BBS9: variants seen among roughly 807,000 people sequenced by gnomAD.
BBS9 encodes Bardet-Biedl syndrome 9, also known as protein PTHB1.
BBS9 carries 89 observed loss-of-function variants against 117.7 expected under a neutral mutation model. That is an observed-to-expected ratio of 0.76 (90% CI 0.64 to 0.90). BBS9 has a LOEUF of 0.90. Among genes scored for constraint, BBS9 ranks in the 40% least tolerant of loss-of-function variants. The pLI, the probability that BBS9 is intolerant of heterozygous loss-of-function variation, is 0.00. For synonymous variants in BBS9, 379 were observed against 370.9 expected, an observed-to-expected ratio of 1.02 and a Z score of -0.25; for missense variants, 982 against 1,042.2, an observed-to-expected ratio of 0.94 and a Z score of 0.80.
intron 4 of BBS9, among the ~76,000 whole-genome samples, chr7:33,174,318 A>C (rs1488794909): frequency 6.6e-6 from 1 of 152,208 alleles, no homozygotes; most frequent in Non-Finnish European, 1.5e-5. Flanking sequence ...TAGAACCTCT[A>C]CTTTGGATCC....
chr7:33,152,566 G>C (rs1380332809), intron 2 of BBS9, 135 bp from the exon 3 acceptor site: 1 of 763,988 alleles, frequency 1.3e-6, no homozygotes, highest in South Asian at 1.8e-5. Flanking sequence ...TTGACAGAGT[G>C]GCCTTTGTGT....
chr7:33,465,247 A>C (rs1354295789), intron 19 of BBS9, among the ~76,000 whole-genome samples: 2 of 150,234 alleles, frequency 1.3e-5, no homozygotes, highest in East Asian at 3.9e-4. Flanking sequence ...GGAAAAAAAA[A>C]AACATGATTT....
At chr7:33,324,294 A>G (rs1010473933) in intron 9 of BBS9, among the ~76,000 whole-genome samples, 1 of 152,208 alleles carries the variant, frequency 6.6e-6, no homozygotes, top group African/African-American at 2.4e-5. Context: ...ACTGATGAAC[A>G]CTTAACACTG....
intron 19 of BBS9, among the ~76,000 whole-genome samples, chr7:33,493,637 C>G (rs1006213069): frequency 2.0e-5 from 3 of 152,188 alleles, no homozygotes; most frequent in Non-Finnish European, 4.4e-5. Flanking sequence ...AGGTAGTAGA[C>G]TACCACCTTT....
chr7:33,303,721 C>T (rs949251592), intron 9 of BBS9, among the ~76,000 whole-genome samples: 1 of 152,076 alleles, frequency 6.6e-6, no homozygotes, highest in Non-Finnish European at 1.5e-5. Flanking sequence ...GTTGACCGGG[C>T]TGGTCTCCAG....
chr7:33,345,828 C>T (rs1264997386), intron 12 of BBS9, among the ~76,000 whole-genome samples: 1 of 152,150 alleles, frequency 6.6e-6, no homozygotes, highest in African/African-American at 2.4e-5. Context: ...TTTAGGAGTG[C>T]ACTGTTAATT....
At chr7:33,201,032 G>T (rs537723703) in intron 5 of BBS9, among the ~76,000 whole-genome samples, 1 of 152,216 alleles carries the variant, frequency 6.6e-6, no homozygotes, top group South Asian at 2.1e-4. Context: ...GGGGATAACT[G>T]GCTGTTTTAT....
At chr7:33,584,504 T>TA (rs1259810310) in intron 21 of BBS9, among the ~76,000 whole-genome samples, 1 of 152,080 alleles carries the variant, frequency 6.6e-6, no homozygotes, top group Admixed American at 6.6e-5. Flanking sequence ...TTAAAAAAAT[T>TA]AGAGTCCAGA....
chr7:33,382,834 A>G (rs1825329132), intron 17 of BBS9, among the ~76,000 whole-genome samples: 1 of 152,232 alleles, frequency 6.6e-6, no homozygotes. Flanking sequence ...AGTACGATTT[A>G]GGCAGAAGGA....
chr7:33,388,210 T>A, intron 19 of BBS9, 66 bp downstream of exon 19: 3 of 1,546,548 alleles, frequency 1.9e-6, no homozygotes, highest in Non-Finnish European at 2.7e-6. Flanking sequence ...CCTAGAGTCA[T>A]GTACCAGAAT....
intron 9 of BBS9, among the ~76,000 whole-genome samples, chr7:33,335,941 G>A (rs1421256460): frequency 6.6e-6 from 1 of 151,590 alleles, no homozygotes; most frequent in Non-Finnish European, 1.5e-5. Flanking sequence ...TTTTTTTTTC[G>A]CAAGACCTCC....
chr7:33,304,952 C>T (rs1193466261), intron 9 of BBS9, among the ~76,000 whole-genome samples: 1 of 151,990 alleles, frequency 6.6e-6, no homozygotes, highest in Non-Finnish European at 1.5e-5. Context: ...CGTTAAGAGT[C>T]ATCACCACTC....
At chr7:33,382,243 C>T (rs868214668) in intron 17 of BBS9, among the ~76,000 whole-genome samples, 1 of 151,992 alleles carries the variant, frequency 6.6e-6, no homozygotes, top group Non-Finnish European at 1.5e-5. Flanking sequence ...GGGTGGATCA[C>T]GAGGTCAGGA....
At chr7:33,575,241 G>C (rs1409149470) in intron 21 of BBS9, among the ~76,000 whole-genome samples, 2 of 152,120 alleles carry the variant, frequency 1.3e-5, no homozygotes, top group Admixed American at 6.6e-5. Context: ...AGTTGAATTA[G>C]AGTGGTGTTC....
chr7:33,563,773 A>G (rs1276705259), intron 21 of BBS9, among the ~76,000 whole-genome samples: 2 of 152,200 alleles, frequency 1.3e-5, no homozygotes, highest in East Asian at 1.9e-4. Context: ...GAGGGAAGGA[A>G]TGTCTGAGTA....
rs367904751 is a variant in BBS9, at chr7:33,321,304, G to A, written c.1017-15137G>A. Among the ~76,000 whole-genome samples, 19 of 151,766 alleles carry A rather than the reference G, an allele frequency of 1.3e-4. No individual in the cohort carries two copies. In the South Asian group the frequency reaches 1.5e-3, roughly 12 times the overall value. On this transcript the variant is annotated intron_variant, in intron 9 of 22. Coordinates refer to ENST00000242067, the MANE Select transcript of BBS9 (RefSeq NM_198428.3). ...AGTAGTATTTTGATAGGGATTGAGT[G>A]TATAGATTGCTTTGGGTAGTATGGA...
chr7:33,295,704 G>A (rs1396593350), intron 9 of BBS9, among the ~76,000 whole-genome samples: 2 of 151,888 alleles, frequency 1.3e-5, no homozygotes, highest in Non-Finnish European at 2.9e-5. Context: ...TTAAGATATG[G>A]TTTCTTGATA....
intron 21 of BBS9, among the ~76,000 whole-genome samples, chr7:33,561,928 A>C (rs1379400319): frequency 6.6e-6 from 1 of 152,250 alleles, no homozygotes; most frequent in Non-Finnish European, 1.5e-5. Context: ...TTACATAGAC[A>C]TGTTACCAAC....
chr7:33,175,409 A>G (rs1002027902), intron 4 of BBS9, among the ~76,000 whole-genome samples: 2 of 152,160 alleles, frequency 1.3e-5, no homozygotes, highest in African/African-American at 2.4e-5. Flanking sequence ...CTCCCCTGAT[A>G]GTTTTTCCTC....
Sources: allele counts gnomAD v4.1 joint callset (sites outside exome capture counted in the v4.1 genomes callset), GRCh38; gene constraint gnomAD v4.1.1; transcripts MANE v1.5; gene names NCBI Gene and HGNC (gene_info 2026-07-23, HGNC 2026-07-21).